The following CCBE1 variants were observed in gnomAD, a reference collection of about 807,000 sequenced individuals.
The protein encoded by CCBE1 is collagen and calcium-binding EGF domain-containing protein 1.
In CCBE1, 37 loss-of-function variants were observed where a neutral mutation model predicts 50.0. The ratio of observed to expected loss-of-function variants is 0.74; its 90% CI spans 0.57 to 0.97. CCBE1 has a LOEUF of 0.97. Ranked by LOEUF, CCBE1 falls within the 50% of genes least tolerant of loss-of-function variation. CCBE1 has a pLI of 0.00. For missense variants in CCBE1, 538 were observed against 523.8 expected (o/e 1.03, Z -0.26); for synonymous variants, 234 against 203.7 (o/e 1.15, Z -1.27).
intron 2 of CCBE1, among the ~76,000 whole-genome samples, chr18:59,659,293 A>AT (rs1313419311): frequency 1.6e-5 from 2 of 128,676 alleles, no homozygotes; most frequent in African/African-American, 6.3e-5. Flanking sequence ...AAGAATTTAC[A>AT]TGTTTTTTTT....
intron 2 of CCBE1, among the ~76,000 whole-genome samples, chr18:59,491,078 G>C (rs1358813522): frequency 6.6e-6 from 1 of 152,186 alleles, no homozygotes; most frequent in Non-Finnish European, 1.5e-5. Context: ...TATTTATTTT[G>C]ATTTTATCCT....
intron 2 of CCBE1, among the ~76,000 whole-genome samples, chr18:59,528,876 A>C (rs1461422713): frequency 6.6e-6 from 1 of 152,166 alleles, no homozygotes; most frequent in African/African-American, 2.4e-5. Context: ...ACCTGATGCC[A>C]GTGGGAATGC....
At chr18:59,514,659 AAAG>A (rs1171865843) in intron 2 of CCBE1, among the ~76,000 whole-genome samples, 1 of 151,448 alleles carries the variant, frequency 6.6e-6, no homozygotes, top group Non-Finnish European at 1.5e-5. Context: ...AAAAAAAAAA[AAAG>A]GAGGCTACAA....
chr18:59,643,247 T>C (rs2054014241), intron 2 of CCBE1, among the ~76,000 whole-genome samples: 1 of 152,186 alleles, frequency 6.6e-6, no homozygotes, highest in Non-Finnish European at 1.5e-5. Flanking sequence ...AATCAGACCT[T>C]AAATATTTGA....
At chr18:59,564,056 C>T (rs897456321) in intron 2 of CCBE1, 1 of 152,150 alleles carries the variant, frequency 6.6e-6, no homozygotes, top group East Asian at 1.9e-4. Context: ...CAGGACAAAC[C>T]TGAGATGGTG....
intron 2 of CCBE1, among the ~76,000 whole-genome samples, chr18:59,515,738 A>G (rs1305200361): frequency 6.6e-6 from 1 of 152,160 alleles, no homozygotes; most frequent in African/African-American, 2.4e-5. Flanking sequence ...AGCAGAGGAG[A>G]CAGGCTGAGG....
intron 2 of CCBE1, among the ~76,000 whole-genome samples, chr18:59,664,027 G>A (rs148627045): frequency 8.1e-4 from 123 of 152,270 alleles, no homozygotes; most frequent in African/African-American, 2.8e-3. Flanking sequence ...AACTTATAAG[G>A]AACAGAAGTT....
intron 2 of CCBE1, among the ~76,000 whole-genome samples, chr18:59,592,269 G>A (rs2053282337): frequency 6.6e-6 from 1 of 152,158 alleles, no homozygotes; most frequent in Non-Finnish European, 1.5e-5. Context: ...TTCAGGCTAT[G>A]TGTATAAGGT....
intron 2 of CCBE1, among the ~76,000 whole-genome samples, chr18:59,668,550 T>C (rs2054387931): frequency 2.6e-5 from 4 of 152,308 alleles, no homozygotes; most frequent in Admixed American, 6.5e-5. Context: ...AGAAAAATAT[T>C]CATTGAAATA....
intron 2 of CCBE1, among the ~76,000 whole-genome samples, chr18:59,521,282 T>A (rs1044140720): frequency 6.6e-6 from 1 of 152,218 alleles, no homozygotes; most frequent in Non-Finnish European, 1.5e-5. Flanking sequence ...CACAACAGAT[T>A]TTGGATTTAT....
At chr18:59,590,964 G>A (rs1237206172) in intron 2 of CCBE1, among the ~76,000 whole-genome samples, 1 of 98,092 alleles carries the variant, frequency 1.0e-5, no homozygotes, top group Non-Finnish European at 1.9e-5. Flanking sequence ...TGCTAAGTAG[G>A]CCGGGCGCGG....
chr18:59,562,494 G>T (rs1277032896), intron 2 of CCBE1, among the ~76,000 whole-genome samples: 2 of 152,092 alleles, frequency 1.3e-5, no homozygotes, highest in African/African-American at 4.8e-5. Flanking sequence ...CATAATGTGG[G>T]CCCACATGGG....
chr18:59,688,312 G>A (rs919320771), intron 2 of CCBE1: 1 of 152,256 alleles, frequency 6.6e-6, no homozygotes, highest in Non-Finnish European at 1.5e-5. Context: ...CAGGCATGGT[G>A]GTGGGCTCAT....
rs73961259 is a variant in CCBE1 at position 59,574,838 on chromosome 18, C to T, written c.213-94600G>A. On this transcript the variant is annotated intron_variant, in intron 2 of 10. Coordinates refer to ENST00000439986, the MANE Select transcript of CCBE1 (RefSeq NM_133459.4). ...TAACACACTCCATTATGGGTTGAATCGTGTCCCTCTAAAATTCATATATGT... is the reference window on the plus strand; with the variant it reads ...TAACACACTCCATTATGGGTTGAATTGTGTCCCTCTAAAATTCATATATGT... Among the ~76,000 whole-genome samples, 1,228 of 152,186 alleles carry T rather than the reference C, an allele frequency of 8.1e-3. 23 individuals carry two copies. Among genetic ancestry groups the T allele is most frequent in the African/African-American group, 0.028 (1,153 of 41,502 alleles).
chr18:59,553,222 C>T (rs1016574699), intron 2 of CCBE1, among the ~76,000 whole-genome samples: 6 of 89,082 alleles, frequency 6.7e-5, no homozygotes, highest in East Asian at 5.5e-4. Context: ...AAGAGTTTAC[C>T]CTCATTTCAT....
chr18:59,661,736 G>T (rs568826385), intron 2 of CCBE1, among the ~76,000 whole-genome samples: 1 of 152,190 alleles, frequency 6.6e-6, no homozygotes, highest in Admixed American at 6.5e-5. Flanking sequence ...GAGAGCCCGA[G>T]GCGGGAGGAT....
intron 2 of CCBE1, among the ~76,000 whole-genome samples, chr18:59,510,974 A>C (rs1328334873): frequency 6.6e-6 from 1 of 152,118 alleles, no homozygotes; most frequent in African/African-American, 2.4e-5. Flanking sequence ...GAGAGCTACC[A>C]GTCATTAGTA....
At chr18:59,696,025 C>G (rs934297603) in intron 2 of CCBE1, among the ~76,000 whole-genome samples, 1 of 152,178 alleles carries the variant, frequency 6.6e-6, no homozygotes, top group African/African-American at 2.4e-5. Context: ...ATTCCCTAGC[C>G]CCATCCACGC....
At chr18:59,457,136 C>T (rs1568149232) in intron 5 of CCBE1, among the ~76,000 whole-genome samples, 1 of 152,312 alleles carries the variant, frequency 6.6e-6, no homozygotes, top group East Asian at 1.9e-4. Flanking sequence ...TTTTAAAAAT[C>T]CACTTTATGT....
Sources: allele counts gnomAD v4.1 joint callset (sites outside exome capture counted in the v4.1 genomes callset), GRCh38; gene constraint gnomAD v4.1.1; transcripts MANE v1.5; gene names NCBI Gene and HGNC (gene_info 2026-07-23, HGNC 2026-07-21).